The following SNX30 variants were observed in gnomAD, a reference collection of about 807,000 sequenced individuals.
SNX30 encodes the protein sorting nexin family member 30, also known as sorting nexin-30.
A neutral mutation model predicts 46.4 loss-of-function variants in SNX30; 24 were observed. The observed-to-expected ratio is 0.52, with a 90% CI of 0.37 to 0.73. The LOEUF (loss-of-function observed/expected upper bound fraction) is 0.73, where lower values mean the gene tolerates loss of function less well. Among genes scored for constraint, SNX30 ranks in the 30% least tolerant of loss-of-function variants. The pLI, the probability that SNX30 is intolerant of heterozygous loss-of-function variation, is 0.00. For synonymous variants in SNX30, 189 were observed against 211.5 expected (o/e 0.89, Z 0.92); for missense variants, 533 against 555.7 (o/e 0.96, Z 0.41).
At chr9:112,820,398 T>G (rs1840473576) in intron 3 of SNX30, among the ~76,000 whole-genome samples, 1 of 152,116 alleles carries the variant, frequency 6.6e-6, no homozygotes, top group African/African-American at 2.4e-5. Flanking sequence ...GTTATTTAAG[T>G]GTCATCTTTG....
intron 7 of SNX30, among the ~76,000 whole-genome samples, chr9:112,857,485 T>C (rs1003808079): frequency 1.2e-4 from 18 of 152,246 alleles, no homozygotes; most frequent in African/African-American, 3.1e-4. Context: ...CACTCACACA[T>C]TGCCAGTTAG....
intron 8 of SNX30, 94 bp from the exon 9 acceptor site, chr9:112,868,690 G>A: frequency 7.7e-7 from 1 of 1,307,112 alleles, no homozygotes; most frequent in Non-Finnish European, 1.1e-6. Context: ...AACCCAGCAG[G>A]ATCGACAACG....
chr9:112,867,210 T>C, intron 8 of SNX30, among the ~76,000 whole-genome samples: 1 of 136,836 alleles, frequency 7.3e-6, no homozygotes, highest in South Asian at 2.6e-4. Context: ...CTCCTCAGGA[T>C]TCCTCCTCCC....
In SNX30 at chr9:112,767,023, G is replaced by A. The variant is rs558546779; in HGVS notation, c.156+15866G>A. On this transcript the variant is annotated intron_variant, in intron 1 of 8. Coordinates refer to ENST00000374232, the MANE Select transcript of SNX30 (RefSeq NM_001012994.2). Reference sequence around the variant, plus strand: ...CCTGTTTTTAATTTTTTGAGGACTCGTCATACTGTTTTCCAAAGCAGTTGC... The same window carrying A: ...CCTGTTTTTAATTTTTTGAGGACTCATCATACTGTTTTCCAAAGCAGTTGC... 2.6e-4 allele frequency among the ~76,000 whole-genome samples: 39 copies of A among 152,034 alleles called. 1 individual carries two copies. The South Asian group carries it at 7.7e-3, about 30-fold the overall frequency.
chr9:112,847,164 T>G (rs1840950734), intron 6 of SNX30, among the ~76,000 whole-genome samples: 1 of 152,258 alleles, frequency 6.6e-6, no homozygotes, highest in African/African-American at 2.4e-5. Flanking sequence ...ACAGATATTG[T>G]GTTTCTATTG....
chr9:112,752,991 G>A (rs919347811), intron 1 of SNX30, among the ~76,000 whole-genome samples: 3 of 152,190 alleles, frequency 2.0e-5, no homozygotes, highest in Non-Finnish European at 2.9e-5. Flanking sequence ...ATCCAAGAGA[G>A]CTCAAGACTC....
chr9:112,810,750 G>A (rs10759587), intron 2 of SNX30, among the ~76,000 whole-genome samples: 122,914 of 152,036 alleles, frequency 0.81, 49,677 homozygotes, highest in South Asian at 0.86. Flanking sequence ...AAGCCTGAGA[G>A]CCAGCTGCTT....
intron 1 of SNX30, among the ~76,000 whole-genome samples, chr9:112,789,495 C>G (rs368276766): frequency 7.9e-5 from 12 of 152,316 alleles, no homozygotes; most frequent in African/African-American, 2.6e-4. Context: ...TATTTAAACA[C>G]AGATGCTATA....
intron 1 of SNX30, among the ~76,000 whole-genome samples, chr9:112,789,512 TTTG>T (rs1241537711): frequency 6.6e-6 from 1 of 152,198 alleles, no homozygotes; most frequent in Non-Finnish European, 1.5e-5. Flanking sequence ...TATATTCTGT[TTTG>T]TTTGGTAGCA....
chr9:112,872,488 A>G lies in SNX30; in HGVS notation c.*3645A>G, dbSNP rs925476081. ...AAGAGGGAAGTCAAGAGCAACCTCC[A>G]AGGCCTATGTCAGCCTCTTCTCCTT... On this transcript the variant is annotated 3_prime_UTR_variant, in exon 9 of 9. Coordinates refer to ENST00000374232, the MANE Select transcript of SNX30 (RefSeq NM_001012994.2). 1 of 152,352 alleles carries G rather than the reference A, an allele frequency of 6.6e-6. No homozygotes were observed. The highest frequency in any genetic ancestry group is 6.5e-5 in the Admixed American group (1 of 15,290). 9.4% of individuals were successfully genotyped at this position (152,352 alleles called of 1,614,324 possible). A position where few individuals can be genotyped will look rare whatever the true frequency, so the allele number is the denominator to read the frequency against.
At chr9:112,859,986 G>A (rs531963335) in intron 7 of SNX30, among the ~76,000 whole-genome samples, 6 of 145,160 alleles carry the variant, frequency 4.1e-5, no homozygotes, top group Non-Finnish European at 9.1e-5. Flanking sequence ...TCGCTCTGTC[G>A]CCAGGCTGGA....
At chr9:112,753,152 C>T (rs1444540393) in intron 1 of SNX30, among the ~76,000 whole-genome samples, 6 of 152,162 alleles carry the variant, frequency 3.9e-5, no homozygotes, top group African/African-American at 1.4e-4. Context: ...ATCTTGGAGA[C>T]TGGCTACTAC....
intron 1 of SNX30, among the ~76,000 whole-genome samples, chr9:112,778,359 G>A (rs997239258): frequency 2.5e-4 from 36 of 143,980 alleles, no homozygotes; most frequent in South Asian, 1.3e-3. Flanking sequence ...TGCAACCTAC[G>A]CCTCCCGGGT....
chr9:112,864,854 T>C (rs1444856618), intron 8 of SNX30, among the ~76,000 whole-genome samples: 1 of 152,138 alleles, frequency 6.6e-6, no homozygotes, highest in African/African-American at 2.4e-5. Context: ...CATTTGTTTT[T>C]TAAATAGACT....
intron 2 of SNX30, among the ~76,000 whole-genome samples, chr9:112,805,748 CA>C (rs1840215845): frequency 6.6e-6 from 1 of 152,174 alleles, no homozygotes; most frequent in African/African-American, 2.4e-5. Context: ...GGATTACAGG[CA>C]TGAGCCACCA....
intron 2 of SNX30, among the ~76,000 whole-genome samples, chr9:112,817,208 A>T (rs1291868051): frequency 6.6e-6 from 1 of 152,012 alleles, no homozygotes; most frequent in African/African-American, 2.4e-5. Flanking sequence ...AAAACTTGTC[A>T]GCATATTTAG....
At chr9:112,851,412 G>T (rs916879787) in intron 7 of SNX30, among the ~76,000 whole-genome samples, 5 of 152,234 alleles carry the variant, frequency 3.3e-5, no homozygotes, top group African/African-American at 1.2e-4. Flanking sequence ...TTAAACTCGC[G>T]TGAGGAGTTG....
intron 1 of SNX30, among the ~76,000 whole-genome samples, chr9:112,752,533 A>G (rs1839294138): frequency 6.6e-6 from 1 of 152,078 alleles, no homozygotes; most frequent in South Asian, 2.1e-4. Context: ...TGAGCCTGGG[A>G]GTTCAAGGCT....
chr9:112,752,060 C>G (rs1272683439), intron 1 of SNX30, among the ~76,000 whole-genome samples: 1 of 152,182 alleles, frequency 6.6e-6, no homozygotes, highest in East Asian at 1.9e-4. Flanking sequence ...TCAAGATTTT[C>G]TCTCCCTAGT....
Sources: allele counts gnomAD v4.1 joint callset (sites outside exome capture counted in the v4.1 genomes callset), GRCh38; gene constraint gnomAD v4.1.1; transcripts MANE v1.5; gene names NCBI Gene and HGNC (gene_info 2026-07-23, HGNC 2026-07-21).